CSMD3: variants seen among roughly 807,000 people sequenced by gnomAD.
CSMD3 encodes the protein CUB and Sushi multiple domains 3, also known as CUB and sushi domain-containing protein 3.
CSMD3 carries 177 observed loss-of-function variants against 435.2 expected under a neutral mutation model. The observed-to-expected ratio is 0.41, with a 90% CI of 0.36 to 0.46. The LOEUF (loss-of-function observed/expected upper bound fraction) is 0.46. Among genes scored for constraint, CSMD3 ranks in the 20% least tolerant of loss-of-function variants. The pLI is 0.34. For missense variants in CSMD3, 4,265 were observed against 4,504.6 expected, an observed-to-expected ratio of 0.95 and a Z score of 1.52; for synonymous variants, 1,656 against 1,520.5, an observed-to-expected ratio of 1.09 and a Z score of -2.07.
intron 67 of CSMD3, among the ~76,000 whole-genome samples, chr8:112,235,391 A>T (rs11786008): frequency 2.0e-5 from 3 of 151,876 alleles, no homozygotes; most frequent in Non-Finnish European, 4.4e-5. Flanking sequence ...CTCAAAAAAA[A>T]CAAAAAACAA....
intron 45 of CSMD3, among the ~76,000 whole-genome samples, chr8:112,324,360 G>A (rs1823293642): frequency 6.6e-6 from 1 of 151,972 alleles, no homozygotes; most frequent in Admixed American, 6.6e-5. Context: ...ATTTTGTATT[G>A]TATTTGCATT....
intron 7 of CSMD3, among the ~76,000 whole-genome samples, chr8:112,958,987 A>G (rs2084134085): frequency 6.6e-6 from 1 of 152,092 alleles, no homozygotes; most frequent in Admixed American, 6.6e-5. Flanking sequence ...TTTATCACTA[A>G]GCTTCTATAA....
At chr8:113,156,756 A>ATAAATAAT (rs1554792388) in intron 4 of CSMD3, among the ~76,000 whole-genome samples, 1 of 149,594 alleles carries the variant, frequency 6.7e-6, no homozygotes, top group Non-Finnish European at 1.5e-5. Context: ...AAATAAATAA[A>ATAAATAAT]TAAATAAATA....
chr8:113,246,532 A>C (rs2093277969), intron 3 of CSMD3, among the ~76,000 whole-genome samples: 1 of 152,094 alleles, frequency 6.6e-6, no homozygotes, highest in South Asian at 2.1e-4. Context: ...GCATATTTAA[A>C]ACTTATTTAA....
At chr8:113,420,881 C>T (rs767758744) in intron 1 of CSMD3, among the ~76,000 whole-genome samples, 7 of 150,736 alleles carry the variant, frequency 4.6e-5, no homozygotes, top group Non-Finnish European at 1.0e-4. Flanking sequence ...ACCCAGCAGG[C>T]GGAGGTTGTA....
rs1564150641 is a variant in CSMD3 at position 112,959,286 on chromosome 8, A to C, written c.1343-4525T>G. Among the ~76,000 whole-genome samples the C allele has an allele frequency of 2.0e-5, 3 of 152,148 alleles. No individual in the cohort carries two copies. In the East Asian group the frequency reaches 5.8e-4, roughly 29 times the overall value. On this transcript the variant is annotated intron_variant, in intron 7 of 70. Transcript: ENST00000297405. ...ATTAAATGTTTTCAGAACAGTCTGA[A>C]GCGCTCCTCATTTTCCACTTGGATT... is the stretch of plus-strand genomic sequence containing the variant.
chr8:113,087,914 G>A (rs1459965154), intron 5 of CSMD3, among the ~76,000 whole-genome samples: 1 of 151,884 alleles, frequency 6.6e-6, no homozygotes, highest in Non-Finnish European at 1.5e-5. Context: ...CCATCAGAGT[G>A]AACAGGCAAC....
chr8:112,232,270 A>G (rs1213527565), intron 68 of CSMD3, among the ~76,000 whole-genome samples: 3 of 152,210 alleles, frequency 2.0e-5, no homozygotes, highest in Non-Finnish European at 4.4e-5. Flanking sequence ...AATGTAAGGC[A>G]GGGGTTGATA....
At chr8:113,189,262 A>T (rs893624043) in intron 3 of CSMD3, among the ~76,000 whole-genome samples, 8 of 151,808 alleles carry the variant, frequency 5.3e-5, no homozygotes, top group African/African-American at 1.9e-4. Flanking sequence ...AAGCTATAAA[A>T]ACCTAATTGA....
intron 27 of CSMD3, among the ~76,000 whole-genome samples, chr8:112,534,028 G>A (rs1825802401): frequency 6.6e-6 from 1 of 151,850 alleles, no homozygotes; most frequent in Admixed American, 6.6e-5. Context: ...GGTCAGTGAA[G>A]AAATTAAGAA....
At chr8:112,605,969 C>T (rs1832760974) in intron 22 of CSMD3, among the ~76,000 whole-genome samples, 1 of 152,104 alleles carries the variant, frequency 6.6e-6, no homozygotes, top group Non-Finnish European at 1.5e-5. Flanking sequence ...GTACCTTACA[C>T]TTAAAGCAAC....
chr8:113,354,717 G>A (rs1307417158), intron 1 of CSMD3, among the ~76,000 whole-genome samples: 4 of 152,098 alleles, frequency 2.6e-5, no homozygotes, highest in African/African-American at 9.7e-5. Flanking sequence ...TTGGCTTCCT[G>A]CAGCCTCAAC....
At chr8:112,254,655 T>C (rs1490355261) in intron 62 of CSMD3, among the ~76,000 whole-genome samples, 1 of 152,126 alleles carries the variant, frequency 6.6e-6, no homozygotes, top group East Asian at 1.9e-4. Flanking sequence ...ATAACATTTG[T>C]CCAAAGACCT....
rs1270119496 is a variant in CSMD3, at chr8:112,591,802, A to G, written c.3716-4567T>C. ...TAGGAGGATCAAATCCAAATCAATC[A>G]TTTCTTTTCTGCATGTGAATTCAGA... On this transcript the variant is annotated intron_variant, in intron 22 of 70. Transcript: ENST00000297405. 3.3e-5 allele frequency among the ~76,000 whole-genome samples: 5 copies of G among 151,950 alleles called. No homozygotes were observed. The East Asian group carries it at 9.7e-4, about 29-fold the overall frequency.
chr8:112,294,093 G>T (rs548818462), intron 54 of CSMD3, among the ~76,000 whole-genome samples: 111 of 152,024 alleles, frequency 7.3e-4, no homozygotes, highest in African/African-American at 2.6e-3. Context: ...TTGCTTGGGG[G>T]GGGTGTAGGG....
At chr8:112,700,514 A>G (rs2076366397) in intron 13 of CSMD3, among the ~76,000 whole-genome samples, 1 of 152,056 alleles carries the variant, frequency 6.6e-6, no homozygotes, top group Non-Finnish European at 1.5e-5. Flanking sequence ...AAACAAACAA[A>G]CAAAAGCAAA....
intron 13 of CSMD3, among the ~76,000 whole-genome samples, chr8:112,716,322 CAA>C (rs2076727731): frequency 2.0e-5 from 3 of 152,132 alleles, no homozygotes; most frequent in Admixed American, 1.3e-4. Flanking sequence ...CTCCCATTCA[CAA>C]TTGCTACGAA....
rs925507050 is a variant in CSMD3, at chr8:112,403,668, A to G, written c.5809+2856T>C. ...AGGCACAAATCTCATTACTGAGGGTAGAGCCCCCGAGACCTAGTCACCTTC... is the reference window on the plus strand; with the variant it reads ...AGGCACAAATCTCATTACTGAGGGTGGAGCCCCCGAGACCTAGTCACCTTC... On this transcript the variant is annotated intron_variant, in intron 35 of 70. Coordinates refer to ENST00000297405, the MANE Select transcript of CSMD3 (RefSeq NM_198123.2). Among the ~76,000 whole-genome samples the G allele has an allele frequency of 1.4e-4, 22 of 152,154 alleles. No homozygotes were observed. The East Asian group carries it at 1.7e-3, about 12-fold the overall frequency.
intron 1 of CSMD3, among the ~76,000 whole-genome samples, chr8:113,382,327 A>C (rs942142136): frequency 4.1e-4 from 62 of 152,262 alleles, no homozygotes; most frequent in African/African-American, 1.4e-3. Context: ...ATCTTATTAC[A>C]GTTTTGCTTT....
Sources: allele counts gnomAD v4.1 joint callset (sites outside exome capture counted in the v4.1 genomes callset), GRCh38; gene constraint gnomAD v4.1.1; transcripts MANE v1.5; gene names NCBI Gene and HGNC (gene_info 2026-07-23, HGNC 2026-07-21).